CCND3: variants seen among roughly 807,000 people sequenced by gnomAD.
The protein encoded by CCND3 is cyclin D3.
CCND3 carries 9 observed loss-of-function variants against 28.7 expected under a neutral mutation model. The observed-to-expected ratio is 0.31, with a 90% CI of 0.19 to 0.55. The LOEUF (loss-of-function observed/expected upper bound fraction) is 0.55. CCND3 is among the 20% of genes least tolerant of loss of function. CCND3 has a pLI of 0.93. For missense variants in CCND3, 315 were observed against 385.8 expected (o/e 0.82, Z 1.54); for synonymous variants, 164 against 163.9 (o/e 1.00, Z 0.00).
Position 42,037,743 on chromosome 6 carries a change from A to G in CCND3, c.-46+10758T>C, listed in dbSNP as rs1275908092. 2.6e-5 allele frequency among the ~76,000 whole-genome samples: 4 copies of G among 152,078 alleles called. No homozygotes were observed. In the East Asian group the frequency reaches 7.8e-4, roughly 30 times the overall value. ...ATTATTAGGTATAGCCTAAAAAACA[A>G]AAGTTCTGGCCAGGCATAGTGGCAT... On this transcript the variant is annotated intron_variant, in intron 1 of 4. Transcript: ENST00000372988.
intron 1 of CCND3, among the ~76,000 whole-genome samples, chr6:42,026,245 A>G (rs1430126897): frequency 6.6e-6 from 1 of 151,852 alleles, no homozygotes; most frequent in African/African-American, 2.4e-5. Context: ...ACCCTCCTCT[A>G]CCTCATCAGA....
chr6:41,943,515 T>C (rs905557838), upstream of CCND3, among the ~76,000 whole-genome samples: 1 of 152,232 alleles, frequency 6.6e-6, no homozygotes, highest in Non-Finnish European at 1.5e-5. Flanking sequence ...AAACCTGTAT[T>C]GGTGGAAATT....
chr6:41,961,175 A>G (rs777404523), intron 1 of CCND3, among the ~76,000 whole-genome samples: 2 of 152,210 alleles, frequency 1.3e-5, no homozygotes, highest in Non-Finnish European at 2.9e-5. Context: ...CAATGCCTTC[A>G]TCAAAACAAT....
chr6:41,936,943 G>T lies in CCND3; in HGVS notation c.575-248C>A. On this transcript the variant is annotated intron_variant, in intron 3 of 4. Coordinates refer to ENST00000372991, the MANE Select transcript of CCND3 (RefSeq NM_001760.5). The surrounding 1 kb of genome is among the most constrained non-coding windows in gnomAD (Gnocchi z 4.4). ...AATAGACAAGACACTCCCTAGTATG[G>T]GAACACAACTAGGGCCAAGAGACTG... 1 of 594,136 alleles carries T rather than the reference G, an allele frequency of 1.7e-6. No individual in the cohort carries two copies. The highest frequency in any genetic ancestry group is 2.8e-5 in the East Asian group (1 of 35,320). 36.8% of individuals were successfully genotyped at this position (594,136 alleles called of 1,614,324 possible).
chr6:41,986,651 G>A (rs1762487714), intron 1 of CCND3, among the ~76,000 whole-genome samples: 1 of 151,898 alleles, frequency 6.6e-6, no homozygotes, highest in South Asian at 2.1e-4. Flanking sequence ...AAATTTATTA[G>A]CTCTAACAGC....
intron 1 of CCND3, among the ~76,000 whole-genome samples, chr6:42,015,973 C>G (rs900923484): frequency 1.3e-5 from 2 of 151,374 alleles, no homozygotes; most frequent in African/African-American, 4.9e-5. Context: ...GAGTCTCACT[C>G]TGTTGCCCAG....
intron 1 of CCND3, among the ~76,000 whole-genome samples, chr6:41,983,087 G>A (rs1762393518): frequency 6.6e-6 from 1 of 152,068 alleles, no homozygotes; most frequent in African/African-American, 2.4e-5. Flanking sequence ...AAATAAAAAG[G>A]TATATGTTGG....
At position 41,941,585 on chromosome 6, in the gene CCND3, A is replaced by C. The variant is rs746832372; in HGVS notation, c.65T>G (p.Leu22Arg). 1.4e-5 allele frequency: 21 copies of C among 1,553,832 alleles called. No individual in the cohort carries two copies. Among genetic ancestry groups the C allele is most frequent in the Non-Finnish European group, 1.8e-5 (21 of 1,149,488 alleles). ...APRAGPDPRL[L>R]GDQRVLQSLL... is the part of the protein sequence containing the mutation. Reference sequence around the variant, plus strand: ...GCTCTGCAGGACACGCTGGTCCCCCAGCAGCCGCGGGTCCGGCCCGGCCCG... The same window carrying C: ...GCTCTGCAGGACACGCTGGTCCCCCCGCAGCCGCGGGTCCGGCCCGGCCCG... Residue 22 changes from leucine to arginine, a missense_variant, in exon 1 of 5, where the codon CTG (leucine) becomes CGG (arginine). Leu to Arg is a moderately radical substitution (Grantham distance 102). Coordinates refer to ENST00000372991, the MANE Select transcript of CCND3 (RefSeq NM_001760.5). This position sits in a 1 kb window ranked among gnomAD's most constrained non-coding sequence, Gnocchi z 6.1.
At chr6:41,993,410 CT>C (rs70987558) in intron 1 of CCND3, among the ~76,000 whole-genome samples, 45,928 of 100,444 alleles carry the variant, frequency 0.46, 7,110 homozygotes, top group Middle Eastern at 0.51. Context: ...CTCATGTCTT[CT>C]TTTTTTTTTT....
intron 1 of CCND3, among the ~76,000 whole-genome samples, chr6:42,027,632 G>A (rs903287020): frequency 6.6e-6 from 1 of 152,150 alleles, no homozygotes; most frequent in Non-Finnish European, 1.5e-5. Context: ...GTGGTAAGGA[G>A]GGCAGAAAGT....
At chr6:41,988,706 T>TTC (rs1561974922) in intron 1 of CCND3, among the ~76,000 whole-genome samples, 23 of 149,042 alleles carry the variant, frequency 1.5e-4, no homozygotes, top group South Asian at 6.4e-4. Context: ...TTTCTTTTTT[T>TTC]TTTTTTTTTT....
At chr6:42,023,944 A>G (rs541931299) in intron 1 of CCND3, among the ~76,000 whole-genome samples, 6 of 152,344 alleles carry the variant, frequency 3.9e-5, no homozygotes, top group Admixed American at 6.5e-5. Flanking sequence ...CTGTGTCACA[A>G]TAACAGCCTA....
chr6:42,044,849 C>T (rs533691378), intron 1 of CCND3, among the ~76,000 whole-genome samples: 10 of 151,036 alleles, frequency 6.6e-5, no homozygotes, highest in South Asian at 4.2e-4. Flanking sequence ...AGTGCGATGG[C>T]GTGATCTTGG....
At chr6:42,035,304 A>G (rs924977656) in intron 1 of CCND3, among the ~76,000 whole-genome samples, 1 of 152,148 alleles carries the variant, frequency 6.6e-6, no homozygotes, top group East Asian at 1.9e-4. Flanking sequence ...TCTACTTTCA[A>G]AATAGTTTCC....
At chr6:42,047,208 T>A (rs567699946) in intron 1 of CCND3, among the ~76,000 whole-genome samples, 2 of 152,216 alleles carry the variant, frequency 1.3e-5, no homozygotes, top group South Asian at 4.1e-4. Flanking sequence ...AGACTAGAAC[T>A]CTGCTACAAT....
intron 1 of CCND3, among the ~76,000 whole-genome samples, chr6:41,964,306 ATG>A (rs1298679995): frequency 6.7e-6 from 1 of 149,766 alleles, no homozygotes; most frequent in Non-Finnish European, 1.5e-5. Flanking sequence ...GTATGTGTGA[ATG>A]TGTGTGAGTC....
chr6:42,026,486 A>T (rs1349309036), intron 1 of CCND3, among the ~76,000 whole-genome samples: 1 of 152,122 alleles, frequency 6.6e-6, no homozygotes, highest in Non-Finnish European at 1.5e-5. Flanking sequence ...CCTCTGCTCT[A>T]GGCCCCTCAC....
intron 1 of CCND3, among the ~76,000 whole-genome samples, chr6:42,002,453 A>AAG (rs397699204): frequency 1.3e-5 from 2 of 151,178 alleles, no homozygotes; most frequent in African/African-American, 4.9e-5. Flanking sequence ...AAAAAAAAAA[A>AAG]CTATGTATTT....
At chr6:41,966,360 C>T (rs925455598) in intron 1 of CCND3, among the ~76,000 whole-genome samples, 1 of 151,806 alleles carries the variant, frequency 6.6e-6, no homozygotes. Context: ...GTCGAGGCTG[C>T]AATGAGCCAT....
Sources: gnomAD v4.1 joint callset for allele counts (sites outside exome capture counted in the v4.1 genomes callset) on GRCh38, gnomAD v4.1.1 for gene constraint, Gnocchi (gnomAD v3.1) non-coding constraint, MANE v1.5 for transcripts, NCBI Gene and HGNC (gene_info 2026-07-23, HGNC 2026-07-21) for gene names.